The following PTPRT variants were observed in gnomAD, a reference collection of about 807,000 sequenced individuals.
PTPRT encodes the protein protein tyrosine phosphatase receptor type T.
Under a neutral mutation model 176.8 loss-of-function variants are expected in PTPRT, and 56 were observed. That is an observed-to-expected ratio of 0.32 (90% CI 0.26 to 0.40). The LOEUF is 0.40. Ranked by LOEUF, PTPRT falls within the 10% of genes least tolerant of loss-of-function variation. The pLI is 1.00. For synonymous variants in PTPRT, 783 were observed against 739.0 expected, an observed-to-expected ratio of 1.06 and a Z score of -0.96; for missense variants, 1,540 against 1,908.2, an observed-to-expected ratio of 0.81 and a Z score of 3.60.
intron 1 of PTPRT, among the ~76,000 whole-genome samples, chr20:42,912,713 A>G (rs528657015): frequency 7.2e-5 from 11 of 152,230 alleles, no homozygotes; most frequent in Non-Finnish European, 5.9e-5. Flanking sequence ...AATGCATGAC[A>G]TAGTGTAAGA....
chr20:42,077,424 T>A lies in PTPRT; in HGVS notation c.*3455A>T. On this transcript the variant is annotated 3_prime_UTR_variant, in exon 31 of 31. Coordinates refer to ENST00000373187, the MANE Select transcript of PTPRT (RefSeq NM_007050.6). ...CTTCCCCAAACAGAGCCCACATCTA[T>A]GAGGTAAGAGCTCCTGTTGTAAAGA... The A allele has an allele frequency of 4.5e-6, 1 of 223,216 alleles. No homozygotes were observed. The highest frequency in any genetic ancestry group is 6.5e-5 in the East Asian group (1 of 15,352). 13.8% of individuals were successfully genotyped at this position (223,216 alleles called of 1,614,324 possible).
rs1484187343 is a variant in PTPRT, at chr20:42,080,055, A to G, written c.*824T>C. The G allele has an allele frequency of 1.3e-5, 3 of 232,736 alleles. No homozygotes were observed. The highest frequency in any genetic ancestry group is 1.7e-5 in the Non-Finnish European group (2 of 117,774). 14.4% of individuals were successfully genotyped at this position (232,736 alleles called of 1,614,324 possible). A position where few individuals can be genotyped will look rare whatever the true frequency, so the allele number is the denominator to read the frequency against. ...TCCAAAGAAAGCTACCACCAAAGAAACACAGGGGTTACATCCTACAGGTCA... is the reference window on the plus strand; with the variant it reads ...TCCAAAGAAAGCTACCACCAAAGAAGCACAGGGGTTACATCCTACAGGTCA... On this transcript the variant is annotated 3_prime_UTR_variant, in exon 31 of 31. Coordinates refer to ENST00000373187, the MANE Select transcript of PTPRT (RefSeq NM_007050.6).
chr20:42,282,499 C>T lies in PTPRT; in HGVS notation c.2166G>A (p.Leu722=). ...NGETKINCVR[L]ATKGASTQNS... is the part of the protein sequence containing the mutation. The stretch of plus-strand genomic sequence containing the variant: ...CAGATGCCAACATACCTTTTGTAGC[C>T]AGACGAACACAGTTGATTTTGGTCT... The change falls in exon 13 of 31, where the codon CTG becomes CTA. Residue 722 remains leucine (L), a synonymous_variant. Coordinates refer to ENST00000373187, the MANE Select transcript of PTPRT (RefSeq NM_007050.6). 1 of 1,610,344 alleles carries T rather than the reference C, an allele frequency of 6.2e-7. No homozygotes were observed. The highest frequency in any genetic ancestry group is 8.5e-7 in the Non-Finnish European group (1 of 1,177,976).
At chr20:43,065,737 G>A (rs2011106819) in intron 1 of PTPRT, among the ~76,000 whole-genome samples, 1 of 152,204 alleles carries the variant, frequency 6.6e-6, no homozygotes, top group Non-Finnish European at 1.5e-5. Flanking sequence ...ACATGTACAT[G>A]AAAGAGACCA....
the PTPRT span, among the ~76,000 whole-genome samples, chr20:42,046,045 C>T: frequency 1.3e-5 from 2 of 152,172 alleles, no homozygotes; most frequent in Non-Finnish European, 2.9e-5. Flanking sequence ...CCCTTGACCT[C>T]ATGGAGGTGA....
chr20:42,952,203 G>A (rs529677570), intron 1 of PTPRT, among the ~76,000 whole-genome samples: 50 of 152,284 alleles, frequency 3.3e-4, no homozygotes, highest in Non-Finnish European at 6.0e-4. Flanking sequence ...GAGTCCACAC[G>A]TCATGCCACC....
At chr20:42,162,792 GC>G (rs1348533475) in intron 16 of PTPRT, among the ~76,000 whole-genome samples, 2 of 152,194 alleles carry the variant, frequency 1.3e-5, no homozygotes, top group African/African-American at 4.8e-5. Flanking sequence ...AAATCCATGT[GC>G]CCTTCAGCTT....
chr20:42,607,368 T>A (rs2073897603), intron 7 of PTPRT: 1 of 152,068 alleles, frequency 6.6e-6, no homozygotes, highest in African/African-American at 2.4e-5. Context: ...TACCACAATT[T>A]AAAAAAATGG....
intron 5 of PTPRT, among the ~76,000 whole-genome samples, chr20:42,769,872 C>T (rs2077037574): frequency 6.6e-6 from 1 of 152,204 alleles, no homozygotes; most frequent in Non-Finnish European, 1.5e-5. Context: ...GTACATACCG[C>T]ATGCTTCCAT....
chr20:42,365,759 C>G (rs1447777445), intron 9 of PTPRT, among the ~76,000 whole-genome samples: 1 of 152,138 alleles, frequency 6.6e-6, no homozygotes, highest in Non-Finnish European at 1.5e-5. Context: ...TCGCATGTAG[C>G]CTGTGGGCTC....
intron 6 of PTPRT, among the ~76,000 whole-genome samples, chr20:42,715,316 T>C (rs984110271): frequency 2.0e-5 from 3 of 151,880 alleles, no homozygotes; most frequent in Non-Finnish European, 2.9e-5. Flanking sequence ...AAATAAGGAG[T>C]AAAATGAACA....
At chr20:42,953,660 C>A (rs1231307629) in intron 1 of PTPRT, among the ~76,000 whole-genome samples, 1 of 152,104 alleles carries the variant, frequency 6.6e-6, no homozygotes, top group African/African-American at 2.4e-5. Flanking sequence ...CTAAAGCTGC[C>A]CAGCCCGTGG....
chr20:43,009,855 G>A (rs371546115), intron 1 of PTPRT, among the ~76,000 whole-genome samples: 41 of 152,136 alleles, frequency 2.7e-4, no homozygotes, highest in East Asian at 1.9e-4. Context: ...AGGTTTAGTC[G>A]AGCGGAGCAG....
At chr20:42,148,387 A>T (rs909362647) in intron 17 of PTPRT, among the ~76,000 whole-genome samples, 4 of 150,996 alleles carry the variant, frequency 2.6e-5, no homozygotes, top group African/African-American at 9.7e-5. Context: ...TGAGAAAATT[A>T]TTGACTCATT....
At chr20:43,081,999 C>T (rs2011454902) in intron 1 of PTPRT, among the ~76,000 whole-genome samples, 1 of 152,146 alleles carries the variant, frequency 6.6e-6, no homozygotes, top group Admixed American at 6.5e-5. Context: ...GTGGCATTCC[C>T]AGAAAAAACC....
chr20:42,113,318 C>T (rs1287334182), intron 22 of PTPRT, among the ~76,000 whole-genome samples: 26 of 152,218 alleles, frequency 1.7e-4, no homozygotes, highest in Non-Finnish European at 8.8e-5. Context: ...GCCCGTGTCG[C>T]CAGTCACTCA....
rs553201930 is a variant in PTPRT at position 42,221,375 on chromosome 20, C to T, written c.2342+14854G>A. On this transcript the variant is annotated intron_variant, in intron 15 of 30. Transcript: ENST00000373187. ...ACTGCTATAAGTATACTACCTGAGA[C>T]TGGGTAATTTATAAACAAAAGAGGT... 2.8e-4 allele frequency among the ~76,000 whole-genome samples: 42 copies of T among 152,242 alleles called. 1 individual carries two copies. The South Asian group carries it at 7.7e-3, about 28-fold the overall frequency.
chr20:42,453,674 C>CTTTTTT (rs576538683), intron 8 of PTPRT, among the ~76,000 whole-genome samples: 2 of 136,650 alleles, frequency 1.5e-5, no homozygotes, highest in African/African-American at 2.8e-5. Flanking sequence ...TTTTTCTTTT[C>CTTTTTT]TTTTTTTTTT....
At chr20:42,107,899 A>G (rs1986617481) in intron 23 of PTPRT, among the ~76,000 whole-genome samples, 1 of 152,190 alleles carries the variant, frequency 6.6e-6, no homozygotes, top group Non-Finnish European at 1.5e-5. Flanking sequence ...TGGAAAGTAC[A>G]CCCATTGGAA....
Sources: allele counts gnomAD v4.1 joint callset (sites outside exome capture counted in the v4.1 genomes callset), GRCh38; gene constraint gnomAD v4.1.1; transcripts MANE v1.5; gene names NCBI Gene and HGNC (gene_info 2026-07-23, HGNC 2026-07-21).